The following CADPS variants were observed in gnomAD, a reference collection of about 807,000 sequenced individuals.
CADPS encodes calcium dependent secretion activator.
CADPS carries 57 observed loss-of-function variants against 167.3 expected under a neutral mutation model. That is an observed-to-expected ratio of 0.34 (90% CI 0.28 to 0.42). CADPS has a LOEUF of 0.42. CADPS is among the 20% of genes least tolerant of loss of function. The pLI is 1.00. For synonymous variants in CADPS, 676 were observed against 635.3 expected, an observed-to-expected ratio of 1.06 and a Z score of -0.96; for missense variants, 1,414 against 1,738.1, an observed-to-expected ratio of 0.81 and a Z score of 3.32.
intron 1 of CADPS, among the ~76,000 whole-genome samples, chr3:62,838,812 A>G (rs1268280751): frequency 6.6e-6 from 1 of 152,190 alleles, no homozygotes; most frequent in Admixed American, 6.5e-5. Flanking sequence ...TGGATGCTGG[A>G]CAAATCTTGC....
intron 26 of CADPS, among the ~76,000 whole-genome samples, chr3:62,451,048 T>C (rs2057970631): frequency 6.6e-6 from 1 of 152,184 alleles, no homozygotes; most frequent in South Asian, 2.1e-4. Context: ...TAATTTTTTC[T>C]TGTAACCTTA....
Position 62,770,437 on chromosome 3 carries a change from G to GT in CADPS, c.442-4454dup, listed in dbSNP as rs1160029174. Among the ~76,000 whole-genome samples the GT allele has an allele frequency of 7.2e-5, 11 of 151,750 alleles. No homozygotes were observed. The East Asian group carries it at 2.1e-3, about 29-fold the overall frequency. On this transcript the variant is annotated intron_variant, in intron 1 of 29. Transcript: ENST00000383710. ...GAATTCCTTTTTTGTTTGTTTGTTT[G>GT]TTTTTTGAGACAGAGTCTTGCTCTG...
intron 6 of CADPS, among the ~76,000 whole-genome samples, chr3:62,638,452 T>G (rs1039552931): frequency 6.6e-6 from 1 of 152,152 alleles, no homozygotes; most frequent in Non-Finnish European, 1.5e-5. Context: ...AGAAAAACAG[T>G]CCAGTTCTTA....
chr3:62,535,129 T>C (rs1421013328), intron 12 of CADPS, among the ~76,000 whole-genome samples: 1 of 151,996 alleles, frequency 6.6e-6, no homozygotes, highest in Admixed American at 6.6e-5. Flanking sequence ...TTCTTACAAG[T>C]TTAATGAATG....
intron 8 of CADPS, 92 bp from the exon 9 acceptor site, chr3:62,571,030 A>T (rs959979355): frequency 3.5e-6 from 3 of 865,648 alleles, no homozygotes; most frequent in Non-Finnish European, 5.9e-6. Context: ...ACTTATAAAC[A>T]AGGAAACGCA....
chr3:62,556,927 T>A (rs1361223272), intron 10 of CADPS, among the ~76,000 whole-genome samples: 2 of 150,454 alleles, frequency 1.3e-5, no homozygotes, highest in Non-Finnish European at 2.9e-5. Flanking sequence ...CTAGGGAAAA[T>A]GGATATATTG....
chr3:62,504,406 C>T lies in CADPS; in HGVS notation c.2600-5138G>A, dbSNP rs566896223. On this transcript the variant is annotated intron_variant, in intron 17 of 29. Coordinates refer to ENST00000383710, the MANE Select transcript of CADPS (RefSeq NM_003716.4). ...TGGCTCTTTCAGTGAATGCATGTTA[C>T]CTGCATGTGCAGTTCTCACAGAAAT... Among the ~76,000 whole-genome samples the T allele has an allele frequency of 8.5e-5, 13 of 152,328 alleles. No individual in the cohort carries two copies. The South Asian group carries it at 2.7e-3, about 32-fold the overall frequency.
chr3:62,828,523 C>A, intron 1 of CADPS, among the ~76,000 whole-genome samples: 1 of 152,046 alleles, frequency 6.6e-6, no homozygotes, highest in East Asian at 1.9e-4. Flanking sequence ...AGAATCTGCA[C>A]CAAAGGGCAA....
At chr3:62,563,484 G>A (rs1358986956) in intron 9 of CADPS, among the ~76,000 whole-genome samples, 1 of 151,746 alleles carries the variant, frequency 6.6e-6, no homozygotes, top group Admixed American at 6.6e-5. Flanking sequence ...GAGCCATGTT[G>A]GTTCTATCTG....
At chr3:62,870,354 C>G (rs530544797) in intron 1 of CADPS, among the ~76,000 whole-genome samples, 1 of 152,190 alleles carries the variant, frequency 6.6e-6, no homozygotes, top group East Asian at 1.9e-4. Flanking sequence ...GAGTAGACAA[C>G]TTTATTATTG....
chr3:62,450,493 G>A (rs2057877791), intron 26 of CADPS, among the ~76,000 whole-genome samples: 1 of 152,206 alleles, frequency 6.6e-6, no homozygotes. Context: ...TCAAAGGGAG[G>A]CAAGAACTGT....
In CADPS at chr3:62,399,652, AG is replaced by A; in HGVS notation, c.3883-68del. ...CCATGATGGGGAGGGAGAAGGTAAA[AG>A]CAGGTGTGGGTGGGAGAGCACTGAC... On this transcript the variant is annotated intron_variant, in intron 29 of 29. Transcript: ENST00000383710. This position sits in a 1 kb window ranked among gnomAD's most constrained non-coding sequence, Gnocchi z 5.6. The A allele has an allele frequency of 1.4e-6, 2 of 1,403,410 alleles. No individual in the cohort carries two copies. The highest frequency in any genetic ancestry group is 2.0e-6 in the Non-Finnish European group (2 of 999,208). The allele number at this position is 1,403,410 out of a possible 1,614,324, so 86.9% of individuals were successfully genotyped here.
intron 6 of CADPS, among the ~76,000 whole-genome samples, chr3:62,636,040 T>C (rs914629803): frequency 6.6e-6 from 1 of 152,226 alleles, no homozygotes; most frequent in African/African-American, 2.4e-5. Flanking sequence ...CTGACTTTGA[T>C]GGTCTGTGCT....
At chr3:62,687,733 CAT>C (rs1491496769) in intron 3 of CADPS, among the ~76,000 whole-genome samples, 1 of 68,974 alleles carries the variant, frequency 1.4e-5, no homozygotes, top group African/African-American at 4.5e-5. Flanking sequence ...GTTCCCTTCG[CAT>C]TTTTTTTTTT....
chr3:62,777,592 G>C (rs185970275), intron 1 of CADPS, among the ~76,000 whole-genome samples: 76 of 152,296 alleles, frequency 5.0e-4, no homozygotes, highest in African/African-American at 1.8e-3. Flanking sequence ...GTAACAAATA[G>C]AGCATGCTAA....
In CADPS at chr3:62,602,217, G is replaced by C. The variant is rs2060073027; in HGVS notation, c.1326-9469C>G. ...TAAGCCAAGAACACATCTACGTTAG[G>C]CAAATAAGGACCCTTGGAGAATTGG... On this transcript the variant is annotated intron_variant, in intron 6 of 29. Coordinates refer to ENST00000383710, the MANE Select transcript of CADPS (RefSeq NM_003716.4). The surrounding 1 kb of genome is among the most constrained non-coding windows in gnomAD (Gnocchi z 4.4). Among the ~76,000 whole-genome samples the C allele has an allele frequency of 6.9e-6, 1 of 144,632 alleles. No homozygotes were observed. The highest frequency in any genetic ancestry group is 2.5e-5 in the African/African-American group (1 of 39,616). 94.9% of individuals were successfully genotyped at this position (144,632 alleles called of 152,430 possible). A position where few individuals can be genotyped will look rare whatever the true frequency, so the allele number is the denominator to read the frequency against.
At chr3:62,523,797 C>T (rs1484049795) in intron 13 of CADPS, among the ~76,000 whole-genome samples, 2 of 152,206 alleles carry the variant, frequency 1.3e-5, no homozygotes, top group Non-Finnish European at 2.9e-5. Flanking sequence ...AGGGAATATA[C>T]TTTCATCTCC....
At chr3:62,817,796 A>G (rs1436090831) in intron 1 of CADPS, among the ~76,000 whole-genome samples, 1 of 152,206 alleles carries the variant, frequency 6.6e-6, no homozygotes, top group Non-Finnish European at 1.5e-5. Context: ...GTACAATGTG[A>G]ACATTAACAC....
intron 17 of CADPS, among the ~76,000 whole-genome samples, chr3:62,509,296 AAAAAAAAAAAAGAAAG>A (rs1197645508): frequency 4.1e-5 from 4 of 96,722 alleles, no homozygotes; most frequent in Admixed American, 2.1e-4. Context: ...TGTCTCAAAA[AAAAAAAAAAAAGAAAG>A]AAAGAAAGAA....
Sources: allele counts gnomAD v4.1 joint callset (sites outside exome capture counted in the v4.1 genomes callset), GRCh38; gene constraint gnomAD v4.1.1; non-coding constraint Gnocchi (gnomAD v3.1); transcripts MANE v1.5; gene names NCBI Gene and HGNC (gene_info 2026-07-23, HGNC 2026-07-21).